MKLN1: variants seen among roughly 807,000 people sequenced by gnomAD.
The protein encoded by MKLN1 is muskelin 1.
A neutral mutation model predicts 99.0 loss-of-function variants in MKLN1; 18 were observed. The ratio of observed to expected loss-of-function variants is 0.18; its 90% CI spans 0.13 to 0.27. MKLN1 has a LOEUF of 0.27. Among genes scored for constraint, MKLN1 ranks in the 10% least tolerant of loss-of-function variants. The pLI, the probability that MKLN1 is intolerant of heterozygous loss-of-function variation, is 1.00. For missense variants in MKLN1, 621 were observed against 875.9 expected (o/e 0.71, Z 3.67); for synonymous variants, 288 against 293.2 (o/e 0.98, Z 0.18).
intron 1 of MKLN1, among the ~76,000 whole-genome samples, chr7:131,365,318 T>A (rs1800147305): frequency 6.6e-6 from 1 of 152,194 alleles, no homozygotes; most frequent in South Asian, 2.1e-4. Context: ...TCTTGTAAAT[T>A]TAAGTTCCTT....
rs547056920 is a variant in MKLN1 at position 131,402,930 on chromosome 7, T to C, written c.703+3497T>C. Among the ~76,000 whole-genome samples, 3 of 152,252 alleles carry C rather than the reference T, an allele frequency of 2.0e-5. No individual in the cohort carries two copies. In the South Asian group the frequency reaches 6.2e-4, roughly 32 times the overall value. On this transcript the variant is annotated intron_variant, in intron 6 of 17. Coordinates refer to ENST00000352689, the MANE Select transcript of MKLN1 (RefSeq NM_013255.5). ...TTAATTCTTAAGGGCCCTAGGATTT[T>C]TCAGAATAGTAAATGAGCATTGACT...
intron 3 of MKLN1, among the ~76,000 whole-genome samples, chr7:131,225,238 G>A (rs1020087882): frequency 6.6e-6 from 1 of 152,180 alleles, no homozygotes; most frequent in Non-Finnish European, 1.5e-5. Flanking sequence ...TCGGTGTCTG[G>A]TAAGGCCTGC....
intron 6 of MKLN1, 49 bp downstream of exon 6, chr7:131,399,482 A>G: frequency 6.7e-7 from 1 of 1,494,072 alleles, no homozygotes. Context: ...ACATACGGGA[A>G]ACTTTTTCTC....
At chr7:131,317,195 C>T (rs1798684802) in intron 3 of MKLN1, among the ~76,000 whole-genome samples, 1 of 152,084 alleles carries the variant, frequency 6.6e-6, no homozygotes, top group Non-Finnish European at 1.5e-5. Flanking sequence ...ATGTTAAGGG[C>T]AGACACAGAG....
intron 1 of MKLN1, among the ~76,000 whole-genome samples, chr7:131,351,203 G>A: frequency 6.6e-6 from 1 of 151,794 alleles, no homozygotes; most frequent in African/African-American, 2.4e-5. Context: ...AGCTATGATT[G>A]TGCCACCGCA....
chr7:131,278,820 G>A (rs1027108419), intron 3 of MKLN1, among the ~76,000 whole-genome samples: 5 of 152,020 alleles, frequency 3.3e-5, no homozygotes, highest in African/African-American at 7.2e-5. Context: ...GGCTGGTCTC[G>A]AACTCCTGGC....
chr7:131,154,267 T>A (rs755402303), intron 2 of MKLN1, among the ~76,000 whole-genome samples: 48 of 151,810 alleles, frequency 3.2e-4, no homozygotes, highest in Non-Finnish European at 6.5e-4. Context: ...GAATTCACCT[T>A]GTTTTGTAGA....
chr7:131,114,719 G>A (rs1451735107), intron 1 of MKLN1, among the ~76,000 whole-genome samples: 2 of 152,122 alleles, frequency 1.3e-5, no homozygotes, highest in East Asian at 3.9e-4. Flanking sequence ...GCCGAGGTGA[G>A]CGAATCACCT....
At chr7:131,360,308 G>C (rs1478711581) in intron 1 of MKLN1, among the ~76,000 whole-genome samples, 1 of 151,920 alleles carries the variant, frequency 6.6e-6, no homozygotes, top group African/African-American at 2.4e-5. Context: ...GATATAATTG[G>C]ATTGATATCT....
chr7:131,429,175 A>G (rs746872455), intron 9 of MKLN1, 30 bp downstream of exon 9: 1 of 1,458,932 alleles, frequency 6.9e-7, no homozygotes, highest in Non-Finnish European at 9.6e-7. Context: ...ATACATCTAT[A>G]TTACAGAAGG....
intron 3 of MKLN1, among the ~76,000 whole-genome samples, chr7:131,259,661 A>G (rs1163458133): frequency 1.3e-5 from 2 of 152,154 alleles, no homozygotes; most frequent in African/African-American, 4.8e-5. Flanking sequence ...TGTCCCCCAA[A>G]TGGTTTTTTA....
At chr7:131,401,070 A>G (rs1794530325) in intron 6 of MKLN1, among the ~76,000 whole-genome samples, 1 of 152,192 alleles carries the variant, frequency 6.6e-6, no homozygotes, top group Admixed American at 6.5e-5. Context: ...TTAAAAACAT[A>G]GCAGAGAAGG....
At chr7:131,256,897 C>A (rs904011273) in intron 3 of MKLN1, among the ~76,000 whole-genome samples, 1 of 152,080 alleles carries the variant, frequency 6.6e-6, no homozygotes, top group East Asian at 1.9e-4. Flanking sequence ...AAGCTCAAAC[C>A]TCAGCATCAT....
At chr7:131,339,629 G>A (rs1374723047) in intron 1 of MKLN1, among the ~76,000 whole-genome samples, 1 of 151,996 alleles carries the variant, frequency 6.6e-6, no homozygotes, top group African/African-American at 2.4e-5. Context: ...AATCCAGGAG[G>A]TGGAGGTTGC....
chr7:131,154,468 TGGA>T (rs889105802), intron 2 of MKLN1, among the ~76,000 whole-genome samples: 42 of 152,250 alleles, frequency 2.8e-4, no homozygotes, highest in African/African-American at 9.6e-4. Context: ...AGATGTAACA[TGGA>T]GGAGGTTAGG....
At chr7:131,443,394 A>C (rs1216328136) in intron 10 of MKLN1, 87 bp from the exon 11 acceptor site, 7 of 929,892 alleles carry the variant, frequency 7.5e-6, no homozygotes, top group Non-Finnish European at 1.2e-5. Context: ...TTTTTTTGAG[A>C]ATGTAAAACT....
At chr7:131,266,325 A>G (rs556237488) in intron 3 of MKLN1, among the ~76,000 whole-genome samples, 1 of 152,268 alleles carries the variant, frequency 6.6e-6, no homozygotes, top group East Asian at 1.9e-4. Context: ...TTTACTTAAC[A>G]TCTCTCAACC....
At position 131,241,241 on chromosome 7, in the gene MKLN1, G is replaced by T. The variant is rs146448349; in HGVS notation, c.-179+38267G>T. Reference sequence around the variant, plus strand: ...AAAAATACAAAAATTAGCCAGGCATGGTGGCACATACCTATAATACCAGCT... The same window carrying T: ...AAAAATACAAAAATTAGCCAGGCATTGTGGCACATACCTATAATACCAGCT... On this transcript the variant is annotated intron_variant, in intron 3 of 7. Coordinates refer to the MKLN1 transcript ENST00000416992. Among the ~76,000 whole-genome samples the T allele has an allele frequency of 2.0e-3, 304 of 152,080 alleles. 1 individual carries two copies. The highest frequency in any genetic ancestry group is 7.1e-3 in the African/African-American group (295 of 41,466).
At chr7:131,428,328 A>G (rs556497235) in intron 8 of MKLN1, among the ~76,000 whole-genome samples, 1 of 152,222 alleles carries the variant, frequency 6.6e-6, no homozygotes, top group Non-Finnish European at 1.5e-5. Flanking sequence ...AATTCTCAAG[A>G]TACTTAGAAT....
Sources: gnomAD v4.1 joint callset for allele counts (sites outside exome capture counted in the v4.1 genomes callset) on GRCh38, gnomAD v4.1.1 for gene constraint, MANE v1.5 for transcripts, NCBI Gene and HGNC (gene_info 2026-07-23, HGNC 2026-07-21) for gene names.